Variants in ARHGAP17 observed in about 807,000 individuals in gnomAD.
ARHGAP17 encodes the protein Rho GTPase activating protein 17.
ARHGAP17 carries 57 observed loss-of-function variants against 99.5 expected under a neutral mutation model. The observed-to-expected ratio is 0.57, with a 90% CI of 0.46 to 0.71. The LOEUF is 0.71. Ranked by LOEUF, ARHGAP17 falls within the 30% of genes least tolerant of loss-of-function variation. The pLI is 0.00. For synonymous variants in ARHGAP17, 417 were observed against 429.6 expected (o/e 0.97, Z 0.36); for missense variants, 1,000 against 1,122.4 (o/e 0.89, Z 1.56).
chr16:25,013,994 G>A (rs2053713507), intron 1 of ARHGAP17: 2 of 152,126 alleles, frequency 1.3e-5, no homozygotes, highest in African/African-American at 4.8e-5. Context: ...CTGGGCTTTA[G>A]GGGCAGCGAT....
Position 24,942,118 on chromosome 16 carries a change from T to G in ARHGAP17, c.1359A>C (p.Ala453=). 1 of 1,446,598 alleles carries G rather than the reference T, an allele frequency of 6.9e-7. No homozygotes were observed. Among genetic ancestry groups the G allele is most frequent in the Non-Finnish European group, 9.3e-7 (1 of 1,073,684 alleles). The allele number at this position is 1,446,598 out of a possible 1,614,324, so 89.6% of individuals were successfully genotyped here. A position where few individuals can be genotyped will look rare whatever the true frequency, so the allele number is the denominator to read the frequency against. ...AACTCGGGGTGGTGAGAGGTACAAA[T>G]GCTTCTGATACATTAAATTCCACCT... ...PEEVEFNVSE[A]FVPLTTPSSN... is the part of the protein sequence containing the mutation. Residue 453 remains alanine, a synonymous_variant, in exon 16 of 20, where the codon GCA becomes GCC. Coordinates refer to ENST00000289968, the MANE Select transcript of ARHGAP17 (RefSeq NM_001006634.3).
At chr16:24,953,312 T>C (rs572062851) in intron 10 of ARHGAP17, among the ~76,000 whole-genome samples, 2 of 152,264 alleles carry the variant, frequency 1.3e-5, no homozygotes, top group East Asian at 3.9e-4. Context: ...TTGTTGGAGG[T>C]TGTCCTGTGC....
chr16:25,012,474 T>C (rs748228241), intron 1 of ARHGAP17, among the ~76,000 whole-genome samples: 11 of 152,210 alleles, frequency 7.2e-5, no homozygotes, highest in Non-Finnish European at 1.3e-4. Flanking sequence ...TTCACATATA[T>C]AACTTCCTTC....
At chr16:24,954,455 A>G in intron 10 of ARHGAP17, 148 bp downstream of exon 10, 1 of 1,148,716 alleles carries the variant, frequency 8.7e-7, no homozygotes. Context: ...TCATGGTGAC[A>G]AAAGCTTGAA....
intron 1 of ARHGAP17, among the ~76,000 whole-genome samples, chr16:24,981,961 G>A (rs1304347872): frequency 6.6e-6 from 1 of 152,096 alleles, no homozygotes. Context: ...TCTGGAGGCT[G>A]AAAACTATAT....
chr16:24,933,473 C>A (rs1408911528), intron 18 of ARHGAP17, among the ~76,000 whole-genome samples: 1 of 150,862 alleles, frequency 6.6e-6, no homozygotes, highest in Non-Finnish European at 1.5e-5. Context: ...GAAAACGAGA[C>A]CCTGCCTCTA....
intron 1 of ARHGAP17, among the ~76,000 whole-genome samples, chr16:25,001,543 A>G (rs2053360185): frequency 6.6e-6 from 1 of 152,234 alleles, no homozygotes; most frequent in Non-Finnish European, 1.5e-5. Context: ...TACAAAAGTA[A>G]GAGAGATACT....
intron 1 of ARHGAP17, among the ~76,000 whole-genome samples, chr16:25,006,399 G>A (rs1290504478): frequency 6.7e-6 from 1 of 148,516 alleles, no homozygotes; most frequent in Non-Finnish European, 1.5e-5. Context: ...GCAGTGAGCC[G>A]AGATCATGCC....
At position 24,968,380 on chromosome 16, in the gene ARHGAP17, C is replaced by T. The variant is rs1865733180; in HGVS notation, c.432G>A (p.Leu144=). ...CTCTGACTGAATCCCAGTCTAACAC[C>T]AATCTTGCAAGCTGCTTCCTCTGCT... The part of the protein sequence containing the change: ...IQKQRKQLAR[L]VLDWDSVRAR... The change falls in exon 6 of 20, where the codon TTG becomes TTA. Residue 144 remains leucine, a synonymous_variant. Coordinates refer to ENST00000289968, the MANE Select transcript of ARHGAP17 (RefSeq NM_001006634.3). 1 of 1,614,248 alleles carries T rather than the reference C, an allele frequency of 6.2e-7. No homozygotes were observed.
chr16:24,964,072 C>T (rs2052096388), intron 7 of ARHGAP17, 125 bp downstream of exon 7: 1 of 595,972 alleles, frequency 1.7e-6, no homozygotes, highest in South Asian at 3.5e-5. Flanking sequence ...AAAATAAAAC[C>T]TACCTTTAAA....
In ARHGAP17 at chr16:24,970,708, G is replaced by A. The variant is rs922255691; in HGVS notation, c.199-128C>T. 54 of 802,510 alleles carry A rather than the reference G, an allele frequency of 6.7e-5. No individual in the cohort carries two copies. In the East Asian group the frequency reaches 1.2e-3, roughly 18 times the overall value. 49.7% of individuals were successfully genotyped at this position (802,510 alleles called of 1,614,324 possible). ...ACACAGGTAGGAGACAGCCTGTCTG[G>A]GTTCAGGTTCTGGTCTCACAGATAT... On this transcript the variant is annotated intron_variant, in intron 3 of 19. Coordinates refer to ENST00000289968, the MANE Select transcript of ARHGAP17 (RefSeq NM_001006634.3).
At chr16:24,925,321 G>A (rs939453383) in intron 19 of ARHGAP17, among the ~76,000 whole-genome samples, 3 of 152,228 alleles carry the variant, frequency 2.0e-5, no homozygotes, top group African/African-American at 4.8e-5. Context: ...AGGGGTTGCC[G>A]TGTGCCAAGA....
At chr16:24,958,985 C>G (rs982928165) in intron 9 of ARHGAP17, among the ~76,000 whole-genome samples, 4 of 150,860 alleles carry the variant, frequency 2.7e-5, no homozygotes, top group Admixed American at 2.6e-4. Context: ...ATCAGAGAGA[C>G]ACAGCATCGA....
chr16:25,007,127 G>C (rs2053528223), intron 1 of ARHGAP17, among the ~76,000 whole-genome samples: 1 of 152,118 alleles, frequency 6.6e-6, no homozygotes, highest in Admixed American at 6.5e-5. Flanking sequence ...TTGAAGTGGG[G>C]CTTTCAGTCC....
chr16:24,961,911 T>TTATATATATATATATATA lies in ARHGAP17; in HGVS notation c.574-1950_574-1933dup, dbSNP rs67952203. On this transcript the variant is annotated intron_variant, in intron 7 of 19. Transcript: ENST00000289968. ...TCAAATATAAATATACATAGGAATTTTATATATATATATATATATGAAAAC... is the reference window on the plus strand; with the variant it reads ...TCAAATATAAATATACATAGGAATTTTATATATATATATATATATATATATATATATATATATGAAAAC... Among the ~76,000 whole-genome samples, 753 of 129,910 alleles carry TTATATATATATATATATA rather than the reference T, an allele frequency of 5.8e-3. 21 individuals carry two copies. The highest frequency in any genetic ancestry group is 0.022 in the African/African-American group (682 of 31,262). 85.2% of individuals were successfully genotyped at this position (129,910 alleles called of 152,430 possible).
Position 24,979,519 on chromosome 16 carries a change from C to A in ARHGAP17, c.54-514G>T, listed in dbSNP as rs4787660. 1.3e-3 allele frequency among the ~76,000 whole-genome samples: 200 copies of A among 151,890 alleles called. No individual in the cohort carries two copies. In the South Asian group the frequency reaches 0.028, roughly 21 times the overall value. On this transcript the variant is annotated intron_variant, in intron 1 of 19. Transcript: ENST00000289968. ...CCACACACAATAACAATTAGTTCCTCCTTCAAATTTCCTCTCCATCCTTAC... is the reference window on the plus strand; with the variant it reads ...CCACACACAATAACAATTAGTTCCTACTTCAAATTTCCTCTCCATCCTTAC...
intron 6 of ARHGAP17, among the ~76,000 whole-genome samples, chr16:24,966,584 T>C (rs561451361): frequency 2.6e-5 from 4 of 151,966 alleles, no homozygotes; most frequent in South Asian, 2.1e-4. Flanking sequence ...TGAGCCAAGA[T>C]TGTGCCACTG....
intron 18 of ARHGAP17, among the ~76,000 whole-genome samples, chr16:24,931,896 A>G (rs1394450687): frequency 6.6e-6 from 1 of 152,170 alleles, no homozygotes; most frequent in East Asian, 1.9e-4. Context: ...CAGGCGGATC[A>G]CTTGAGTGCA....
chr16:24,939,710 G>A (rs554784020), intron 16 of ARHGAP17, 113 bp from the exon 17 acceptor site: 13 of 1,148,494 alleles, frequency 1.1e-5, no homozygotes, highest in African/African-American at 3.1e-5. Context: ...CAAGCTGCCC[G>A]GCATGCAGTG....
Sources: gnomAD v4.1 joint callset for allele counts (sites outside exome capture counted in the v4.1 genomes callset) on GRCh38, gnomAD v4.1.1 for gene constraint, MANE v1.5 for transcripts, NCBI Gene and HGNC (gene_info 2026-07-23, HGNC 2026-07-21) for gene names.